Variants in DNAJC5 observed in about 807,000 individuals in gnomAD.
DNAJC5 encodes the protein dnaJ homolog subfamily C member 5.
Under a neutral mutation model 23.2 loss-of-function variants are expected in DNAJC5, and 1 was observed. That is an observed-to-expected ratio of 0.04 (90% CI 0.02 to 0.20). The LOEUF is 0.20. Among genes scored for constraint, DNAJC5 ranks in the 10% least tolerant of loss-of-function variants. The pLI, the probability that DNAJC5 is intolerant of heterozygous loss-of-function variation, is 1.00. For synonymous variants in DNAJC5, 136 were observed against 120.0 expected, an observed-to-expected ratio of 1.13 and a Z score of -0.87; for missense variants, 180 against 267.0, an observed-to-expected ratio of 0.67 and a Z score of 2.27.
Position 63,905,155 on chromosome 20 carries a change from G to A in DNAJC5, c.-12+9832G>A, listed in dbSNP as rs541820358. 1.6e-4 allele frequency among the ~76,000 whole-genome samples: 18 copies of A among 115,744 alleles called. No homozygotes were observed. The East Asian group carries it at 2.3e-3, about 15-fold the overall frequency. The allele number at this position is 115,744 out of a possible 152,430, so 75.9% of individuals were successfully genotyped here. A position where few individuals can be genotyped will look rare whatever the true frequency, so the allele number is the denominator to read the frequency against. ...TATGTGATGGGGTCTCGCTCTTGTCGCCCAGGCTGGAGTGCCATGGCACGA... is the reference window on the plus strand; with the variant it reads ...TATGTGATGGGGTCTCGCTCTTGTCACCCAGGCTGGAGTGCCATGGCACGA... On this transcript the variant is annotated intron_variant, in intron 1 of 4. Transcript: ENST00000360864.
chr20:63,910,497 C>T (rs1314593868), intron 1 of DNAJC5, among the ~76,000 whole-genome samples: 4 of 150,168 alleles, frequency 2.7e-5, no homozygotes, highest in South Asian at 2.1e-4. Flanking sequence ...GAGTGGAGAT[C>T]GCGCCACTGC....
chr20:63,906,991 A>G (rs1568976837), intron 1 of DNAJC5, among the ~76,000 whole-genome samples: 1 of 152,034 alleles, frequency 6.6e-6, no homozygotes, highest in East Asian at 1.9e-4. Context: ...AGTCCCAACT[A>G]CTTCGGAGGG....
At chr20:63,921,604 A>AAG (rs2053573579) in intron 1 of DNAJC5, among the ~76,000 whole-genome samples, 1 of 151,792 alleles carries the variant, frequency 6.6e-6, no homozygotes, top group East Asian at 2.0e-4. Context: ...AAAAAAAAAA[A>AAG]AGAGTTCTGA....
intron 3 of DNAJC5, among the ~76,000 whole-genome samples, chr20:63,930,209 C>T (rs1041516842): frequency 9.2e-5 from 14 of 152,198 alleles, no homozygotes; most frequent in Non-Finnish European, 1.3e-4. Context: ...GACAGAGTCT[C>T]GCTCTGTTGC....
At chr20:63,911,949 A>AT (rs1360630325) in intron 1 of DNAJC5, among the ~76,000 whole-genome samples, 1 of 151,922 alleles carries the variant, frequency 6.6e-6, no homozygotes, top group Non-Finnish European at 1.5e-5. Flanking sequence ...AAGTGTTGGG[A>AT]TTACAGGCAT....
At chr20:63,923,732 T>A (rs1022002643) in intron 1 of DNAJC5, among the ~76,000 whole-genome samples, 1 of 152,116 alleles carries the variant, frequency 6.6e-6, no homozygotes, top group African/African-American at 2.4e-5. Context: ...AAAGAAAGAA[T>A]GAGTTAACAT....
rs114973314 is a variant in DNAJC5, at chr20:63,899,952, G to A, written c.-12+4629G>A. On this transcript the variant is annotated intron_variant, in intron 1 of 4. Transcript: ENST00000360864. ...CACCCAGGCTTGAGTACAACGGTAC[G>A]GTTTCCGCTCATGGCAACCTCTGCC... is the stretch of plus-strand genomic sequence containing the variant. 4.2e-3 allele frequency among the ~76,000 whole-genome samples: 625 copies of A among 147,866 alleles called. 3 individuals carry two copies. The highest frequency in any genetic ancestry group is 0.015 in the African/African-American group (595 of 39,850).
chr20:63,918,928 TA>T (rs1375469743), intron 1 of DNAJC5, among the ~76,000 whole-genome samples: 11 of 152,342 alleles, frequency 7.2e-5, no homozygotes, highest in African/African-American at 2.4e-4. Context: ...GTATTTCACA[TA>T]ATACATAGTA....
chr20:63,916,125 T>C (rs1422697861), intron 1 of DNAJC5, among the ~76,000 whole-genome samples: 1 of 152,084 alleles, frequency 6.6e-6, no homozygotes, highest in African/African-American at 2.4e-5. Flanking sequence ...TTTTTGTATT[T>C]TTAGTAGAGA....
intron 1 of DNAJC5, among the ~76,000 whole-genome samples, chr20:63,901,470 G>T (rs983661557): frequency 1.3e-5 from 2 of 152,222 alleles, no homozygotes; most frequent in Non-Finnish European, 2.9e-5. Flanking sequence ...ACTGCAGAAC[G>T]AAAATATCCC....
rs559173027 is a variant in DNAJC5 at position 63,929,875 on chromosome 20, A to C, written c.321+350A>C. Among the ~76,000 whole-genome samples, 1 of 152,080 alleles carries C rather than the reference A, an allele frequency of 6.6e-6. No homozygotes were observed. Among genetic ancestry groups the C allele is most frequent in the Non-Finnish European group, 1.5e-5 (1 of 68,020 alleles). On this transcript the variant is annotated intron_variant, in intron 3 of 4. Transcript: ENST00000360864. The surrounding 1 kb of genome is among the most constrained non-coding windows in gnomAD (Gnocchi z 8.6). Reference sequence around the variant, plus strand: ...CTGGGCATATGGAGCCTTTCTCCTCACCTGTGTGATGGGCGAAGCTCTGTC... The same window carrying C: ...CTGGGCATATGGAGCCTTTCTCCTCCCCTGTGTGATGGGCGAAGCTCTGTC...
rs1395647438 is a variant in DNAJC5 at position 63,935,229 on chromosome 20, G to A, written c.*3661G>A. The A allele has an allele frequency of 6.6e-6, 1 of 152,260 alleles. No homozygotes were observed. The highest frequency in any genetic ancestry group is 2.4e-5 in the African/African-American group (1 of 41,448). The allele number at this position is 152,260 out of a possible 1,614,324, so 9.4% of individuals were successfully genotyped here. ...TATATGTATATATCACGCAGCAGGAGTGTCATTCATGCTGCTGTCCCCTGG... is the reference window on the plus strand; with the variant it reads ...TATATGTATATATCACGCAGCAGGAATGTCATTCATGCTGCTGTCCCCTGG... On this transcript the variant is annotated 3_prime_UTR_variant, in exon 5 of 5. Coordinates refer to ENST00000360864, the MANE Select transcript of DNAJC5 (RefSeq NM_025219.3).
rs1370715503 is a variant in DNAJC5, at chr20:63,928,333, A to G, written c.-11-2A>G. ...ATACTTTCTTTTTATTTTTTCTTCT[A>G]GAATAGCCTAACATGGCAGACCAGA... On this transcript the variant is annotated splice_acceptor_variant, in intron 1 of 4. Transcript: ENST00000360864. LOFTEE classifies it low-confidence loss of function (5UTR_SPLICE). The surrounding 1 kb of genome is among the most constrained non-coding windows in gnomAD (Gnocchi z 4.6). 10 of 1,609,946 alleles carry G rather than the reference A, an allele frequency of 6.2e-6. No individual in the cohort carries two copies. The African/African-American group carries it at 1.1e-4, about 17-fold the overall frequency.
chr20:63,913,550 C>T (rs1417918704), intron 1 of DNAJC5, among the ~76,000 whole-genome samples: 2 of 151,818 alleles, frequency 1.3e-5, no homozygotes, highest in Non-Finnish European at 2.9e-5. Context: ...GCGTGCACTA[C>T]CATACCTGGC....
rs954968760 is a variant in DNAJC5 at position 63,928,608 on chromosome 20, T to C, written c.107+156T>C. Among the ~76,000 whole-genome samples, 1 of 152,222 alleles carries C rather than the reference T, an allele frequency of 6.6e-6. No individual in the cohort carries two copies. Among genetic ancestry groups the C allele is most frequent in the Admixed American group, 6.5e-5 (1 of 15,288 alleles). On this transcript the variant is annotated intron_variant, in intron 2 of 4. Transcript: ENST00000360864. This position sits in a 1 kb window ranked among gnomAD's most constrained non-coding sequence, Gnocchi z 4.6. Reference sequence around the variant, plus strand: ...CTCGGTAACACCTTTGTATGTGTAATGTGCTCCTTATAGCTTAAAGTTATG... The same window carrying C: ...CTCGGTAACACCTTTGTATGTGTAACGTGCTCCTTATAGCTTAAAGTTATG...
chr20:63,920,401 T>C lies in DNAJC5; in HGVS notation c.-11-7934T>C, dbSNP rs1297757755. Among the ~76,000 whole-genome samples, 1 of 151,368 alleles carries C rather than the reference T, an allele frequency of 6.6e-6. No homozygotes were observed. The highest frequency in any genetic ancestry group is 1.5e-5 in the Non-Finnish European group (1 of 67,958). On this transcript the variant is annotated intron_variant, in intron 1 of 4. Coordinates refer to ENST00000360864, the MANE Select transcript of DNAJC5 (RefSeq NM_025219.3). The surrounding 1 kb of genome is among the most constrained non-coding windows in gnomAD (Gnocchi z 4.6). The stretch of plus-strand genomic sequence containing the variant: ...GGGAAGGGGCTGGCGTCAGCAGGGC[T>C]CTCGTCCGCCAACGTCTGGTGGGGA...
chr20:63,906,178 T>A (rs2053447371), intron 1 of DNAJC5, among the ~76,000 whole-genome samples: 2 of 152,200 alleles, frequency 1.3e-5, no homozygotes. Context: ...ATATATGTAC[T>A]TATTTTACTT....
chr20:63,898,058 C>G (rs955337756), intron 1 of DNAJC5, among the ~76,000 whole-genome samples: 1 of 152,180 alleles, frequency 6.6e-6, no homozygotes, highest in Non-Finnish European at 1.5e-5. Context: ...GCACCTTTGC[C>G]CAAGGTCTCC....
At chr20:63,916,224 G>T (rs572187889) in intron 1 of DNAJC5, among the ~76,000 whole-genome samples, 1 of 152,306 alleles carries the variant, frequency 6.6e-6, no homozygotes, top group African/African-American at 2.4e-5. Flanking sequence ...CTAGGATTCC[G>T]GGCATGAGCC....
Sources: allele counts gnomAD v4.1 joint callset (sites outside exome capture counted in the v4.1 genomes callset), GRCh38; gene constraint gnomAD v4.1.1; non-coding constraint Gnocchi (gnomAD v3.1); transcripts MANE v1.5; gene names NCBI Gene and HGNC (gene_info 2026-07-23, HGNC 2026-07-21).